CDH12: variants seen among roughly 807,000 people sequenced by gnomAD.
CDH12 encodes cadherin 12.
A neutral mutation model predicts 74.1 loss-of-function variants in CDH12; 41 were observed. The observed-to-expected ratio is 0.55, with a 90% CI of 0.43 to 0.72. The LOEUF (loss-of-function observed/expected upper bound fraction) is 0.72. CDH12 is among the 30% of genes least tolerant of loss of function. The pLI, the probability that CDH12 is intolerant of heterozygous loss-of-function variation, is 0.00. For missense variants in CDH12, 945 were observed against 977.2 expected, an observed-to-expected ratio of 0.97 and a Z score of 0.44; for synonymous variants, 399 against 355.0, an observed-to-expected ratio of 1.12 and a Z score of -1.39.
chr5:22,021,338 A>G (rs186102213), intron 5 of CDH12, among the ~76,000 whole-genome samples: 108 of 152,300 alleles, frequency 7.1e-4, no homozygotes, highest in Admixed American at 2.0e-3. Flanking sequence ...TTCCACCTGT[A>G]TTATTCTTAG....
chr5:22,553,393 C>T (rs1738660481), intron 1 of CDH12, among the ~76,000 whole-genome samples: 1 of 151,892 alleles, frequency 6.6e-6, no homozygotes, highest in African/African-American at 2.4e-5. Context: ...AGTATGTAAT[C>T]CTGAATAAAG....
At chr5:22,161,205 T>C (rs1341619387) in intron 4 of CDH12, among the ~76,000 whole-genome samples, 1 of 152,322 alleles carries the variant, frequency 6.6e-6, no homozygotes, top group South Asian at 2.1e-4. Context: ...ATGACCTCTT[T>C]GTCAACACTA....
chr5:21,982,440 G>T (rs1038774439), intron 5 of CDH12, among the ~76,000 whole-genome samples: 13 of 150,842 alleles, frequency 8.6e-5, no homozygotes, highest in Admixed American at 4.0e-4. Flanking sequence ...TTTATATATC[G>T]ATATATAGAG....
At chr5:21,795,036 G>C (rs1429014367) in intron 10 of CDH12, among the ~76,000 whole-genome samples, 5 of 151,532 alleles carry the variant, frequency 3.3e-5, no homozygotes, top group African/African-American at 1.2e-4. Flanking sequence ...CATTCATTAA[G>C]ATAAAAGAGT....
chr5:22,481,791 A>G (rs976082238), intron 2 of CDH12, among the ~76,000 whole-genome samples: 1 of 152,162 alleles, frequency 6.6e-6, no homozygotes, highest in African/African-American at 2.4e-5. Context: ...CAGTGCCTAT[A>G]ATCAACCATA....
At chr5:21,848,996 T>G (rs1162224647) in intron 7 of CDH12, among the ~76,000 whole-genome samples, 1 of 151,958 alleles carries the variant, frequency 6.6e-6, no homozygotes. Flanking sequence ...AATGACATAA[T>G]CAAATCCAAC....
At chr5:21,758,900 A>G (rs144292527) in intron 13 of CDH12, among the ~76,000 whole-genome samples, 156 of 152,260 alleles carry the variant, frequency 1.0e-3, no homozygotes, top group African/African-American at 3.6e-3. Context: ...TCTTACTTAT[A>G]AAAGGGAGCT....
intron 3 of CDH12, among the ~76,000 whole-genome samples, chr5:22,374,308 C>T (rs956795330): frequency 1.6e-4 from 24 of 151,904 alleles, no homozygotes; most frequent in Non-Finnish European, 2.9e-4. Flanking sequence ...AGAAACATAC[C>T]TCAAAATAAT....
intron 5 of CDH12, among the ~76,000 whole-genome samples, chr5:22,026,937 T>C (rs1382231019): frequency 2.0e-5 from 3 of 152,172 alleles, no homozygotes; most frequent in Admixed American, 2.0e-4. Context: ...TTCAGTATGA[T>C]ATTGGCTGTG....
At chr5:22,368,643 C>T (rs1044874132) in intron 3 of CDH12, among the ~76,000 whole-genome samples, 1 of 151,986 alleles carries the variant, frequency 6.6e-6, no homozygotes, top group South Asian at 2.1e-4. Flanking sequence ...AAACAATTTG[C>T]CTTAACATAT....
At chr5:22,825,080 G>A (rs750966232) in intron 1 of CDH12, among the ~76,000 whole-genome samples, 7 of 151,872 alleles carry the variant, frequency 4.6e-5, no homozygotes, top group Non-Finnish European at 7.4e-5. Flanking sequence ...CTACAATCAC[G>A]CATTCATTTA....
At chr5:21,923,941 A>G (rs1048258144) in intron 6 of CDH12, among the ~76,000 whole-genome samples, 4 of 152,162 alleles carry the variant, frequency 2.6e-5, no homozygotes, top group African/African-American at 9.7e-5. Flanking sequence ...ACTAGCACTT[A>G]TGTTATATTG....
At chr5:22,501,206 TG>T (rs1458778634) in intron 2 of CDH12, among the ~76,000 whole-genome samples, 1 of 152,180 alleles carries the variant, frequency 6.6e-6, no homozygotes, top group African/African-American at 2.4e-5. Context: ...TGGAATAAAA[TG>T]CATGTAAATG....
chr5:22,429,121 T>C (rs867307572), intron 2 of CDH12, among the ~76,000 whole-genome samples: 1 of 146,466 alleles, frequency 6.8e-6, no homozygotes, highest in Non-Finnish European at 1.5e-5. Flanking sequence ...TTTATTTTAT[T>C]TTATTTTATT....
chr5:22,844,981 G>C (rs185338826), intron 1 of CDH12, among the ~76,000 whole-genome samples: 591 of 152,192 alleles, frequency 3.9e-3, no homozygotes, highest in Non-Finnish European at 6.1e-3. Context: ...CTGAATCTTA[G>C]AGCCAATTAA....
intron 2 of CDH12, among the ~76,000 whole-genome samples, chr5:22,471,351 C>T (rs1177169990): frequency 6.6e-6 from 1 of 152,098 alleles, no homozygotes; most frequent in Non-Finnish European, 1.5e-5. Context: ...CCTCACTGTC[C>T]CTTCTGCATG....
chr5:22,528,366 A>T (rs192512888), intron 1 of CDH12, among the ~76,000 whole-genome samples: 417 of 152,232 alleles, frequency 2.7e-3, no homozygotes, highest in Non-Finnish European at 3.6e-3. Context: ...CCTGAGCTTC[A>T]TCAATACTCT....
At chr5:22,135,551 A>C (rs1191193609) in intron 4 of CDH12, among the ~76,000 whole-genome samples, 1 of 152,120 alleles carries the variant, frequency 6.6e-6, no homozygotes, top group African/African-American at 2.4e-5. Flanking sequence ...AAATGTAAAG[A>C]GGAATCTCTA....
intron 1 of CDH12, among the ~76,000 whole-genome samples, chr5:22,813,908 C>T (rs1421122000): frequency 6.6e-6 from 1 of 152,088 alleles, no homozygotes; most frequent in Non-Finnish European, 1.5e-5. Context: ...CTATGTCATG[C>T]CCTGACTCCT....
Sources: allele counts gnomAD v4.1 joint callset (sites outside exome capture counted in the v4.1 genomes callset), GRCh38; gene constraint gnomAD v4.1.1; transcripts MANE v1.5; gene names NCBI Gene and HGNC (gene_info 2026-07-23, HGNC 2026-07-21).